The following HPS3 variants were observed in gnomAD, a reference collection of about 807,000 sequenced individuals.
The protein encoded by HPS3 is HPS3 biogenesis of lysosomal organelles complex 2 subunit 1.
A neutral mutation model predicts 110.9 loss-of-function variants in HPS3; 79 were observed. That is an observed-to-expected ratio of 0.71 (90% CI 0.59 to 0.86). HPS3 has a LOEUF of 0.86. HPS3 is among the 40% of genes least tolerant of loss of function. The pLI, the probability that HPS3 is intolerant of heterozygous loss-of-function variation, is 0.00. For synonymous variants in HPS3, 428 were observed against 451.0 expected (o/e 0.95, Z 0.65); for missense variants, 1,197 against 1,206.2 (o/e 0.99, Z 0.11).
chr3:149,157,541 A>G lies in HPS3; in HGVS notation c.1691+10A>G. ...GGGACTGTTACAGCAGGTGGGTGACACCTCTTGGAACCTTGTTACAGAAGT... is the reference window on the plus strand; with the variant it reads ...GGGACTGTTACAGCAGGTGGGTGACGCCTCTTGGAACCTTGTTACAGAAGT... On this transcript the variant is annotated intron_variant, in intron 9 of 16. Transcript: ENST00000296051. 6.2e-7 allele frequency: 1 copy of G among 1,612,540 alleles called. No homozygotes were observed. Among genetic ancestry groups the G allele is most frequent in the Non-Finnish European group, 8.5e-7 (1 of 1,178,796 alleles).
In HPS3 at chr3:149,163,887, G is replaced by A. The variant is rs150765088; in HGVS notation, c.2527G>A (p.Val843Ile). 6.2e-4 allele frequency: 986 copies of A among 1,586,202 alleles called. 17 individuals are homozygous for A. The South Asian group carries it at 0.01, about 17-fold the overall frequency. Reference protein sequence around the residue: ...HYGLIYPWVHVVISSDSLADK... With the variant: ...HYGLIYPWVHIVISSDSLADK... ...TGGCTTAATTTATCCATGGGTTCAC[G>A]TCGTAATATCATCTGATTCTTTAGC... The change falls in exon 14 of 17, where the codon GTC (valine) becomes ATC (isoleucine). Residue 843 changes from valine (V) to isoleucine (I), a missense_variant. Coordinates refer to ENST00000296051, the MANE Select transcript of HPS3 (RefSeq NM_032383.5).
chr3:149,157,087 T>C (rs1053098796), intron 8 of HPS3, among the ~76,000 whole-genome samples: 1 of 152,162 alleles, frequency 6.6e-6, no homozygotes, highest in East Asian at 1.9e-4. Context: ...TATTACAGTA[T>C]TATTTGGACC....
At chr3:149,141,236 C>G (rs2108130399) in intron 3 of HPS3, 48 bp downstream of exon 3, 1 of 1,583,662 alleles carries the variant, frequency 6.3e-7, no homozygotes, top group Middle Eastern at 1.7e-4. Context: ...TGTATATATG[C>G]CTGCTTAAAG....
chr3:149,145,378 A>G lies in HPS3; in HGVS notation c.995A>G (p.Asn332Ser), dbSNP rs778630258. The G allele has an allele frequency of 8.1e-6, 13 of 1,613,778 alleles. No homozygotes were observed. Among genetic ancestry groups the G allele is most frequent in the Non-Finnish European group, 8.5e-7 (1 of 1,179,854 alleles). The change falls in exon 5 of 17, where the codon AAT becomes AGT. Residue 332 changes from asparagine to serine, a missense_variant. By Grantham distance (46) the Asn-to-Ser change is conservative. Transcript: ENST00000296051. ...QTGSLTSDGKNLSQEKELLSL... is the reference protein window; with the variant it reads ...QTGSLTSDGKSLSQEKELLSL... ...GGTTCTCTTACATCTGATGGAAAAA[A>G]TTTGTCTCAGGAAAAAGAATTGCTG... is the stretch of plus-strand genomic sequence containing the variant.
chr3:149,139,547 A>G (rs1722304909), intron 1 of HPS3, among the ~76,000 whole-genome samples: 1 of 152,312 alleles, frequency 6.6e-6, no homozygotes, highest in East Asian at 1.9e-4. Flanking sequence ...TTTCTTTGCT[A>G]TTTCCAACTT....
chr3:149,161,505 AC>A (rs1187487280), intron 11 of HPS3, among the ~76,000 whole-genome samples: 1 of 109,360 alleles, frequency 9.1e-6, no homozygotes, highest in Non-Finnish European at 1.9e-5. Context: ...GTTCCCCCAC[AC>A]CCTTTTTTTT....
chr3:149,139,440 TACC>T (rs1375307176), intron 1 of HPS3, among the ~76,000 whole-genome samples: 1 of 152,218 alleles, frequency 6.6e-6, no homozygotes, highest in Non-Finnish European at 1.5e-5. Flanking sequence ...TGCATCTCTT[TACC>T]ACGTTACCAT....
intron 7 of HPS3, among the ~76,000 whole-genome samples, chr3:149,154,535 AT>A (rs1322679712): frequency 6.6e-6 from 1 of 152,150 alleles, no homozygotes; most frequent in Admixed American, 6.6e-5. Context: ...TAATAGTATA[AT>A]TTTTTAAATG....
intron 9 of HPS3, 85 bp downstream of exon 9, chr3:149,157,616 C>T (rs1723537944): frequency 1.6e-6 from 2 of 1,226,072 alleles, no homozygotes; most frequent in South Asian, 2.5e-5. Flanking sequence ...CTGGTAGTTA[C>T]CTGATAAATG....
chr3:149,157,252 T>C, intron 8 of HPS3, 98 bp from the exon 9 acceptor site: 2 of 1,081,590 alleles, frequency 1.8e-6, no homozygotes, highest in Non-Finnish European at 2.8e-6. Flanking sequence ...TATGTCCAAA[T>C]GTTAACTTTA....
At chr3:149,138,499 T>C (rs982188543) in intron 1 of HPS3, among the ~76,000 whole-genome samples, 5 of 152,152 alleles carry the variant, frequency 3.3e-5, no homozygotes, top group African/African-American at 9.7e-5. Flanking sequence ...GAAGAAAATA[T>C]AGGAGCATAT....
chr3:149,163,559 T>C (rs1724104023), intron 13 of HPS3, among the ~76,000 whole-genome samples: 1 of 152,358 alleles, frequency 6.6e-6, no homozygotes, highest in Admixed American at 6.5e-5. Context: ...ATATTCTTTT[T>C]AGGTATAATT....
intron 16 of HPS3, among the ~76,000 whole-genome samples, chr3:149,171,440 T>G (rs73166820): frequency 0.15 from 22,372 of 152,176 alleles, 2,178 homozygotes; most frequent in East Asian, 0.28. Context: ...TCTTTATAAA[T>G]TAGCTTAGTA....
chr3:149,129,826 G>T lies in HPS3; in HGVS notation c.103G>T (p.Val35Leu), dbSNP rs200294685. The T allele has an allele frequency of 3.1e-5, 50 of 1,605,386 alleles. No homozygotes were observed. The African/African-American group carries it at 5.2e-4, about 17-fold the overall frequency. The change falls in exon 1 of 17, where the codon GTG (valine) becomes TTG (leucine). Residue 35 changes from valine (V) to leucine (L), a missense_variant. Val to Leu is a conservative substitution (Grantham distance 32, BLOSUM62 1). Transcript: ENST00000296051. ...FCGGGRDALF[V>L]AAGCKVEAFA... ...TGGCGGGGGGCGTGACGCGCTTTTC[G>T]TGGCGGCGGGCTGCAAGGTGGAGGC...
At position 149,150,593 on chromosome 3, in the gene HPS3, C is replaced by T. The variant is rs373887550; in HGVS notation, c.1164-6C>T. 20 of 1,613,702 alleles carry T rather than the reference C, an allele frequency of 1.2e-5. No individual in the cohort carries two copies. In the African/African-American group the frequency reaches 2.1e-4, roughly 17 times the overall value. ...TTTGCTCAGCAGCCTGTGTCTTCCTCCTCAGTAACAACCTGCAGTGTTTCA... is the reference window on the plus strand; with the variant it reads ...TTTGCTCAGCAGCCTGTGTCTTCCTTCTCAGTAACAACCTGCAGTGTTTCA... On this transcript the variant is annotated splice_region_variant and splice_polypyrimidine_tract_variant and intron_variant, in intron 5 of 16. Coordinates refer to ENST00000296051, the MANE Select transcript of HPS3 (RefSeq NM_032383.5).
Position 149,141,118 on chromosome 3 carries a change from G to C in HPS3, c.814G>C (p.Val272Leu), listed in dbSNP as rs752004185. ...AAAAAGTGAACAGTCTGGATTATCTGTTACACTGGAGTCTACGGGATTAGC... is the reference window on the plus strand; with the variant it reads ...AAAAAGTGAACAGTCTGGATTATCTCTTACACTGGAGTCTACGGGATTAGC... ...GEKSEQSGLSVTLESTGLADE... is the reference protein window; with the variant it reads ...GEKSEQSGLSLTLESTGLADE... Residue 272 changes from valine to leucine, a missense_variant, in exon 3 of 17, where the codon GTT becomes CTT. Coordinates refer to ENST00000296051, the MANE Select transcript of HPS3 (RefSeq NM_032383.5). 1.9e-6 allele frequency: 3 copies of C among 1,612,568 alleles called. No homozygotes were observed. Among genetic ancestry groups the C allele is most frequent in the Non-Finnish European group, 2.5e-6 (3 of 1,179,776 alleles).
At chr3:149,130,695 G>C (rs1459976622) in intron 1 of HPS3, among the ~76,000 whole-genome samples, 1 of 152,112 alleles carries the variant, frequency 6.6e-6, no homozygotes, top group African/African-American at 2.4e-5. Flanking sequence ...CAGGAGAATC[G>C]CTTGAACCGG....
chr3:149,134,290 C>A (rs767482806), intron 1 of HPS3, among the ~76,000 whole-genome samples: 6 of 152,184 alleles, frequency 3.9e-5, no homozygotes, highest in Non-Finnish European at 7.3e-5. Context: ...CTACGTCACT[C>A]CTTTTAAGGC....
intron 5 of HPS3, among the ~76,000 whole-genome samples, chr3:149,147,387 G>T (rs1722839234): frequency 6.6e-6 from 1 of 152,104 alleles, no homozygotes; most frequent in South Asian, 2.1e-4. Context: ...AGTTATTAAA[G>T]AATTAAACTC....
Sources: allele counts gnomAD v4.1 joint callset (sites outside exome capture counted in the v4.1 genomes callset), GRCh38; gene constraint gnomAD v4.1.1; transcripts MANE v1.5; gene names NCBI Gene and HGNC (gene_info 2026-07-23, HGNC 2026-07-21).